The following LINGO2 variants were observed in gnomAD, a reference collection of about 807,000 sequenced individuals.
LINGO2 encodes leucine rich repeat and Ig domain containing 2.
LINGO2 carries 14 observed loss-of-function variants against 30.6 expected under a neutral mutation model. The ratio of observed to expected loss-of-function variants is 0.46; its 90% CI spans 0.30 to 0.72. LINGO2 has a LOEUF of 0.72. Ranked by LOEUF, LINGO2 falls within the 30% of genes least tolerant of loss-of-function variation. The pLI is 0.07. For synonymous variants in LINGO2, 317 were observed against 288.5 expected, an observed-to-expected ratio of 1.10 and a Z score of -1.00; for missense variants, 729 against 751.7, an observed-to-expected ratio of 0.97 and a Z score of 0.35.
intron 2 of LINGO2, among the ~76,000 whole-genome samples, chr9:28,431,072 A>AGAGAGAGAGAG (rs1554720257): frequency 9.4e-5 from 7 of 74,614 alleles, no homozygotes; most frequent in Middle Eastern, 0.014. Context: ...GAGAGAGAGA[A>AGAGAGAGAGAG]ACTCAAGGCA....
the LINGO2 span, among the ~76,000 whole-genome samples, chr9:28,678,494 C>T: frequency 3.9e-5 from 6 of 152,240 alleles, no homozygotes; most frequent in Middle Eastern, 3.4e-3. Context: ...TGGTTTCGAG[C>T]GCAAGATTTA....
chr9:28,000,350 A>C (rs1040513854), intron 5 of LINGO2, among the ~76,000 whole-genome samples: 3 of 152,060 alleles, frequency 2.0e-5, no homozygotes, highest in African/African-American at 4.8e-5. Flanking sequence ...AGAGCCACAG[A>C]GTGGTATTAA....
chr9:28,938,437 T>C, the LINGO2 span, among the ~76,000 whole-genome samples: 442 of 152,324 alleles, frequency 2.9e-3, 3 homozygotes, highest in African/African-American at 9.9e-3. Flanking sequence ...CTTATGAGTA[T>C]TATAGTATAT....
At chr9:28,887,711 A>C in the LINGO2 span, among the ~76,000 whole-genome samples, 1 of 152,134 alleles carries the variant, frequency 6.6e-6, no homozygotes, top group Non-Finnish European at 1.5e-5. Flanking sequence ...ACAAACAAAA[A>C]GGCTGAGAAC....
chr9:28,829,353 C>T, the LINGO2 span, among the ~76,000 whole-genome samples: 10 of 152,262 alleles, frequency 6.6e-5, no homozygotes, highest in Middle Eastern at 3.4e-3. Context: ...TCCTGGACAA[C>T]GGACAAGAAC....
chr9:29,096,749 T>TTGGACAAAACATGCCAAGTGCATC, the LINGO2 span, among the ~76,000 whole-genome samples: 1 of 140,354 alleles, frequency 7.1e-6, no homozygotes, highest in Non-Finnish European at 1.6e-5. Context: ...GTTTTCCACT[T>TTGGACAAAACATGCCAAGTGCATC]TGGACAAAAC....
chr9:28,913,103 T>C, the LINGO2 span, among the ~76,000 whole-genome samples: 3 of 152,118 alleles, frequency 2.0e-5, no homozygotes, highest in Middle Eastern at 3.2e-3. Flanking sequence ...ACAATAATTA[T>C]CTTTTTCTTT....
At chr9:29,158,201 A>AC in the LINGO2 span, among the ~76,000 whole-genome samples, 108 of 151,606 alleles carry the variant, frequency 7.1e-4, no homozygotes, top group African/African-American at 2.6e-3. Flanking sequence ...AAACAAAAAA[A>AC]AAACAAATGG....
At chr9:28,973,438 C>A in the LINGO2 span, among the ~76,000 whole-genome samples, 1 of 152,244 alleles carries the variant, frequency 6.6e-6, no homozygotes, top group South Asian at 2.1e-4. Flanking sequence ...CCCCACATGT[C>A]AAAGACAGGG....
At chr9:28,760,413 G>C in the LINGO2 span, among the ~76,000 whole-genome samples, 1 of 151,992 alleles carries the variant, frequency 6.6e-6, no homozygotes, top group African/African-American at 2.4e-5. Context: ...TCTTCAGTCT[G>C]AGAAAGGGAA....
At chr9:28,996,323 A>T in the LINGO2 span, among the ~76,000 whole-genome samples, 1 of 152,168 alleles carries the variant, frequency 6.6e-6, no homozygotes, top group Non-Finnish European at 1.5e-5. Context: ...TGAGGATACC[A>T]TTCACTATGT....
At chr9:28,496,470 C>G (rs1397772320) in intron 1 of LINGO2, among the ~76,000 whole-genome samples, 1 of 150,858 alleles carries the variant, frequency 6.6e-6, no homozygotes, top group Admixed American at 6.6e-5. Context: ...TTATCAGATA[C>G]TAGGATTGCA....
At chr9:28,699,727 T>A in the LINGO2 span, among the ~76,000 whole-genome samples, 18 of 151,938 alleles carry the variant, frequency 1.2e-4, no homozygotes, top group Non-Finnish European at 2.4e-4. Context: ...ATTAATAGTA[T>A]GACCCTGGGA....
intron 4 of LINGO2, among the ~76,000 whole-genome samples, chr9:28,207,689 C>T (rs926297291): frequency 1.3e-5 from 2 of 152,034 alleles, no homozygotes; most frequent in African/African-American, 4.8e-5. Context: ...ATGTATATGT[C>T]TCAGCTCTGG....
intron 4 of LINGO2, among the ~76,000 whole-genome samples, chr9:28,276,088 C>T (rs1823105185): frequency 6.6e-6 from 1 of 152,012 alleles, no homozygotes; most frequent in East Asian, 1.9e-4. Flanking sequence ...TGCAAAGTAC[C>T]CACTGCTTGG....
At chr9:28,927,725 T>G in the LINGO2 span, among the ~76,000 whole-genome samples, 1 of 152,262 alleles carries the variant, frequency 6.6e-6, no homozygotes, top group Non-Finnish European at 1.5e-5. Flanking sequence ...ACCTGCTTAA[T>G]GCTTGCTTAG....
At chr9:28,988,151 C>T in the LINGO2 span, among the ~76,000 whole-genome samples, 1 of 152,108 alleles carries the variant, frequency 6.6e-6, no homozygotes, top group African/African-American at 2.4e-5. Context: ...ATTATCATTG[C>T]AATATAGTGT....
chr9:28,771,506 T>TGAGAGA, the LINGO2 span, among the ~76,000 whole-genome samples: 3 of 95,034 alleles, frequency 3.2e-5, no homozygotes, highest in Admixed American at 1.1e-4. Context: ...TGTGTGTGTG[T>TGAGAGA]GAGAGAGAGA....
chr9:29,184,121 C>G, the LINGO2 span, among the ~76,000 whole-genome samples: 1 of 152,080 alleles, frequency 6.6e-6, no homozygotes, highest in Admixed American at 6.5e-5. Context: ...CATATGGAAA[C>G]ATTCTTGCTC....
Sources: allele counts gnomAD v4.1 joint callset (sites outside exome capture counted in the v4.1 genomes callset), GRCh38; gene constraint gnomAD v4.1.1; transcripts MANE v1.5; gene names NCBI Gene and HGNC (gene_info 2026-07-23, HGNC 2026-07-21).